Variants in FSTL1 observed in about 807,000 individuals in gnomAD.
The protein encoded by FSTL1 is follistatin like 1.
Under a neutral mutation model 45.9 loss-of-function variants are expected in FSTL1, and 24 were observed. The ratio of observed to expected loss-of-function variants is 0.52; its 90% confidence interval spans 0.38 to 0.74. The LOEUF is 0.74. Among genes scored for constraint, FSTL1 ranks in the 30% least tolerant of loss-of-function variants. The probability of loss-of-function intolerance (pLI) is 0.00; values close to 1 mark genes in which losing one functional copy is unlikely to be tolerated. For synonymous variants in FSTL1, 120 were observed against 137.6 expected (o/e 0.87, Z 0.89); for missense variants, 340 against 381.8 (o/e 0.89, Z 0.91).
intron 2 of FSTL1, among the ~76,000 whole-genome samples, chr3:120,448,645 G>C (rs947507471): frequency 1.3e-5 from 2 of 152,008 alleles, no homozygotes; most frequent in Non-Finnish European, 1.5e-5. Flanking sequence ...CTCCCCCAAC[G>C]CACTCTGTTT....
intron 5 of FSTL1, chr3:120,410,715 A>G: frequency 3.1e-6 from 2 of 636,760 alleles, no homozygotes; most frequent in South Asian, 3.0e-5. Context: ...ACTACTCAGG[A>G]AAAATGGGAA....
rs1015581776 is a variant in FSTL1, at chr3:120,394,600, A to C, written c.*2352T>G. On this transcript the variant is annotated 3_prime_UTR_variant, in exon 11 of 11. Transcript: ENST00000295633. ...TCTTAACAGATGCTATAGTGTTTAC[A>C]AAACTACACACACAGAGAAAGCCCA... The C allele has an allele frequency of 6.6e-6, 1 of 152,218 alleles. No individual in the cohort carries two copies. The highest frequency in any genetic ancestry group is 6.5e-5 in the Admixed American group (1 of 15,280). 9.4% of individuals were successfully genotyped at this position (152,218 alleles called of 1,614,324 possible). A position where few individuals can be genotyped will look rare whatever the true frequency, so the allele number is the denominator to read the frequency against.
At chr3:120,403,920 CA>C (rs34145564) in intron 7 of FSTL1, among the ~76,000 whole-genome samples, 110 of 52,138 alleles carry the variant, frequency 2.1e-3, no homozygotes, top group South Asian at 5.6e-3. Context: ...GACTCCGTCT[CA>C]AAAAAAAAAA....
At chr3:120,447,587 G>A (rs529174889) in intron 2 of FSTL1, among the ~76,000 whole-genome samples, 6 of 152,256 alleles carry the variant, frequency 3.9e-5, no homozygotes, top group African/African-American at 1.4e-4. Flanking sequence ...CAACCCTGAG[G>A]TGCCAAGGAA....
intron 2 of FSTL1, among the ~76,000 whole-genome samples, chr3:120,443,632 A>G (rs1241328711): frequency 6.7e-6 from 1 of 149,852 alleles, no homozygotes; most frequent in Non-Finnish European, 1.5e-5. Flanking sequence ...ACATGCACAC[A>G]TGCATGCACA....
intron 3 of FSTL1, 70 bp from the exon 4 acceptor site, chr3:120,412,053 A>G: frequency 3.1e-6 from 2 of 647,026 alleles, no homozygotes; most frequent in South Asian, 5.1e-5. Context: ...ACACACACAT[A>G]CATGCACACA....
intron 3 of FSTL1, chr3:120,415,674 A>G (rs1937175416): frequency 2.4e-6 from 1 of 408,364 alleles, no homozygotes; most frequent in African/African-American, 2.0e-5. Context: ...TGTCTGTACT[A>G]TTTGACTTAT....
chr3:120,431,756 C>T (rs1172958044), intron 2 of FSTL1, among the ~76,000 whole-genome samples: 4 of 152,224 alleles, frequency 2.6e-5, no homozygotes, highest in African/African-American at 9.6e-5. Flanking sequence ...AGAGGACGAC[C>T]TTCTTTAACT....
intron 2 of FSTL1, among the ~76,000 whole-genome samples, chr3:120,443,785 A>G (rs776781878): frequency 1.3e-5 from 2 of 149,918 alleles, no homozygotes; most frequent in African/African-American, 5.1e-5. Context: ...TCCTGGGAAT[A>G]GTTTATTGGT....
At position 120,404,822 on chromosome 3, in the gene FSTL1, G is replaced by T. The variant is rs776354559; in HGVS notation, c.581+31C>A. ...CTCTCTCAGTTAGTCTTCCCTTGTG[G>T]ATCATTCTCTGACCTCTCGGTTCCT... On this transcript the variant is annotated intron_variant, in intron 7 of 10. Coordinates refer to ENST00000295633, the MANE Select transcript of FSTL1 (RefSeq NM_007085.5). The T allele has an allele frequency of 3.2e-5, 34 of 1,073,352 alleles. No individual in the cohort carries two copies. In the South Asian group the frequency reaches 4.2e-4, roughly 13 times the overall value. The allele number at this position is 1,073,352 out of a possible 1,614,324, so 66.5% of individuals were successfully genotyped here.
Position 120,404,958 on chromosome 3 carries a change from C to A in FSTL1, c.476G>T (p.Gly159Val). The change falls in exon 7 of 11, where the codon GGT (glycine) becomes GTT (valine). Residue 159 changes from glycine to valine, a missense_variant. By Grantham distance (109) the Gly-to-Val change is moderately radical. Transcript: ENST00000295633. The stretch of plus-strand genomic sequence containing the variant: ...TTCACTGGAGTCCAGGCGAGAATCA[C>A]CATTATCAAAGTTCTAGAAAGGGCA... ...LDKYFKNFDN[G>V]DSRLDSSEFL... The A allele has an allele frequency of 6.3e-7, 1 of 1,576,354 alleles. No individual in the cohort carries two copies. Among genetic ancestry groups the A allele is most frequent in the Non-Finnish European group, 8.7e-7 (1 of 1,145,430 alleles).
At chr3:120,405,661 T>G (rs1430797065) in intron 6 of FSTL1, among the ~76,000 whole-genome samples, 1 of 152,190 alleles carries the variant, frequency 6.6e-6, no homozygotes, top group African/African-American at 2.4e-5. Flanking sequence ...GGTCCTCAGA[T>G]CATCCAGCTC....
chr3:120,414,394 G>T (rs1198989340), intron 3 of FSTL1, among the ~76,000 whole-genome samples: 3 of 149,080 alleles, frequency 2.0e-5, no homozygotes, highest in African/African-American at 4.9e-5. Context: ...CTGCCCGGCC[G>T]CCCATCGTCT....
At chr3:120,440,030 C>T (rs1041337036) in intron 2 of FSTL1, among the ~76,000 whole-genome samples, 1 of 152,144 alleles carries the variant, frequency 6.6e-6, no homozygotes, top group African/African-American at 2.4e-5. Context: ...GGAAGGATTG[C>T]TTAAGCCAGG....
At chr3:120,409,480 G>A (rs1937008264) in intron 6 of FSTL1, 52 bp downstream of exon 6, 1 of 1,551,540 alleles carries the variant, frequency 6.4e-7, no homozygotes, top group Non-Finnish European at 8.9e-7. Flanking sequence ...ATGGGAGGAG[G>A]AAGCTTCCCT....
At chr3:120,426,976 T>TA (rs1196731004) in intron 2 of FSTL1, among the ~76,000 whole-genome samples, 2 of 151,984 alleles carry the variant, frequency 1.3e-5, no homozygotes, top group African/African-American at 4.8e-5. Context: ...GACTAAAATT[T>TA]AAAAAAAGGG....
At chr3:120,405,133 A>T (rs927563322) in intron 6 of FSTL1, among the ~76,000 whole-genome samples, 162 bp from the exon 7 acceptor site, 2 of 152,188 alleles carry the variant, frequency 1.3e-5, no homozygotes, top group Non-Finnish European at 2.9e-5. Context: ...AATCCCTGGG[A>T]CATGCAGAGA....
rs536780553 is a variant in FSTL1, at chr3:120,414,552, G to A, written c.168+1371C>T. 3.4e-3 allele frequency among the ~76,000 whole-genome samples: 516 copies of A among 152,082 alleles called. 6 individuals are homozygous for A. Among genetic ancestry groups the A allele is most frequent in the Admixed American group, 7.0e-3 (107 of 15,278 alleles). On this transcript the variant is annotated intron_variant, in intron 3 of 10. Coordinates refer to ENST00000295633, the MANE Select transcript of FSTL1 (RefSeq NM_007085.5). ...TGGCGGCTTTGTGGAATAGAAAGGC[G>A]GGAAAGGTGGGGAAAAGATTGAGAA...
At chr3:120,438,519 C>G (rs1339530261) in intron 2 of FSTL1, 1 of 152,242 alleles carries the variant, frequency 6.6e-6, no homozygotes, top group Non-Finnish European at 1.5e-5. Context: ...ACTCTGTTTT[C>G]TCATTCTTGA....
Sources: allele counts gnomAD v4.1 joint callset (sites outside exome capture counted in the v4.1 genomes callset), GRCh38; gene constraint gnomAD v4.1.1; transcripts MANE v1.5; gene names NCBI Gene and HGNC (gene_info 2026-07-23, HGNC 2026-07-21).